Variants in UBE3D observed in about 807,000 individuals in gnomAD.
UBE3D encodes ubiquitin protein ligase E3D, also known as E3 ubiquitin-protein ligase E3D.
UBE3D carries 48 observed loss-of-function variants against 49.6 expected under a neutral mutation model. That is an observed-to-expected ratio of 0.97 (90% CI 0.77 to 1.23). UBE3D has a LOEUF of 1.23. Ranked by LOEUF, UBE3D falls within the 50% of genes most tolerant of loss-of-function variation. The pLI is 0.00. For missense variants in UBE3D, 452 were observed against 468.4 expected, an observed-to-expected ratio of 0.96 and a Z score of 0.32; for synonymous variants, 189 against 174.2, an observed-to-expected ratio of 1.08 and a Z score of -0.67.
intron 8 of UBE3D, among the ~76,000 whole-genome samples, chr6:82,966,100 A>G (rs1776899319): frequency 6.6e-6 from 1 of 152,188 alleles, no homozygotes; most frequent in African/African-American, 2.4e-5. Context: ...AGTTTGGACT[A>G]AATAAGATCC....
chr6:82,961,526 G>C (rs868368326), intron 8 of UBE3D, among the ~76,000 whole-genome samples: 4 of 152,176 alleles, frequency 2.6e-5, no homozygotes, highest in South Asian at 2.1e-4. Flanking sequence ...CCAGGATTCA[G>C]TCAGGTCAGC....
chr6:82,996,355 T>A (rs923910742), intron 8 of UBE3D, among the ~76,000 whole-genome samples: 20 of 130,150 alleles, frequency 1.5e-4, no homozygotes, highest in African/African-American at 5.5e-4. Context: ...AATAAATAAA[T>A]AAAATCATAG....
At chr6:82,883,604 C>T in the UBE3D span, among the ~76,000 whole-genome samples, 1 of 151,962 alleles carries the variant, frequency 6.6e-6, no homozygotes, top group Non-Finnish European at 1.5e-5. Flanking sequence ...AGTTGGAAGC[C>T]CCACCTGAAA....
chr6:82,937,169 C>T (rs531226683), intron 9 of UBE3D, among the ~76,000 whole-genome samples: 220 of 152,210 alleles, frequency 1.4e-3, no homozygotes, highest in Non-Finnish European at 2.8e-3. Context: ...CTCTTCTATT[C>T]TAAATATTCT....
chr6:83,013,407 A>C (rs1780482116), intron 8 of UBE3D, among the ~76,000 whole-genome samples: 1 of 152,152 alleles, frequency 6.6e-6, no homozygotes, highest in South Asian at 2.1e-4. Flanking sequence ...CAGCATCCCT[A>C]ACTGCCAATG....
chr6:82,914,054 C>T (rs1372043217), intron 9 of UBE3D, among the ~76,000 whole-genome samples: 1 of 152,214 alleles, frequency 6.6e-6, no homozygotes, highest in Non-Finnish European at 1.5e-5. Context: ...TCTTACATGA[C>T]TTGCTGAAGG....
intron 1 of UBE3D, 76 bp downstream of exon 1, chr6:83,065,566 G>C (rs1784437293): frequency 7.2e-7 from 1 of 1,392,648 alleles, no homozygotes; most frequent in Non-Finnish European, 1.0e-6. Flanking sequence ...CTCGTACAGA[G>C]AGAGACTCAC....
Position 82,935,654 on chromosome 6 carries a change from T to C in UBE3D, c.1149+21658A>G, listed in dbSNP as rs73477736. Among the ~76,000 whole-genome samples the C allele has an allele frequency of 8.2e-3, 1,250 of 152,164 alleles. 22 individuals carry two copies. The highest frequency in any genetic ancestry group is 0.028 in the African/African-American group (1,182 of 41,474). ...GTATATCAAGCATGAAGATAAAATC[T>C]TACAGGCCAGCAGGAAAAAGAAAGG... On this transcript the variant is annotated intron_variant, in intron 9 of 9. Coordinates refer to ENST00000369747, the MANE Select transcript of UBE3D (RefSeq NM_198920.3).
chr6:82,985,134 G>A (rs1045933418), intron 8 of UBE3D, among the ~76,000 whole-genome samples: 4 of 147,784 alleles, frequency 2.7e-5, no homozygotes, highest in African/African-American at 7.4e-5. Context: ...TACAAGTGTG[G>A]GCCACACATG....
chr6:83,028,463 T>C (rs1164623039), intron 5 of UBE3D, among the ~76,000 whole-genome samples: 3 of 152,212 alleles, frequency 2.0e-5, no homozygotes, highest in Admixed American at 6.5e-5. Flanking sequence ...GATTGATCTC[T>C]GTCTACAATT....
chr6:82,947,072 A>C (rs1285528409), intron 9 of UBE3D, among the ~76,000 whole-genome samples: 1 of 151,982 alleles, frequency 6.6e-6, no homozygotes, highest in Non-Finnish European at 1.5e-5. Flanking sequence ...AACAACACTG[A>C]ATATAAGTAA....
intron 2 of UBE3D, among the ~76,000 whole-genome samples, chr6:83,054,973 A>G (rs1463057424): frequency 6.6e-6 from 1 of 152,174 alleles, no homozygotes; most frequent in Non-Finnish European, 1.5e-5. Context: ...TTTTATTTAA[A>G]TAAGGTTTAT....
At chr6:83,028,429 T>C (rs1781635801) in intron 5 of UBE3D, among the ~76,000 whole-genome samples, 2 of 152,186 alleles carry the variant, frequency 1.3e-5, no homozygotes, top group South Asian at 4.1e-4. Context: ...AGTTCAAGAC[T>C]TGAAATTCCC....
intron 9 of UBE3D, among the ~76,000 whole-genome samples, chr6:82,943,202 G>C (rs1775144219): frequency 6.6e-6 from 1 of 152,128 alleles, no homozygotes; most frequent in Non-Finnish European, 1.5e-5. Flanking sequence ...CTGTGGAATG[G>C]GTGTATTTAC....
At chr6:83,063,739 T>C (rs1205813629) in intron 1 of UBE3D, among the ~76,000 whole-genome samples, 2 of 152,186 alleles carry the variant, frequency 1.3e-5, no homozygotes, top group Non-Finnish European at 1.5e-5. Context: ...ATACTAAATG[T>C]AAGTCAAAAT....
At chr6:82,886,318 T>C in the UBE3D span, among the ~76,000 whole-genome samples, 1 of 152,136 alleles carries the variant, frequency 6.6e-6, no homozygotes, top group Admixed American at 6.5e-5. Context: ...TAGGTTCTTA[T>C]AAGGAGCACG....
At chr6:83,049,448 T>C (rs1783311353) in intron 3 of UBE3D, among the ~76,000 whole-genome samples, 2 of 152,362 alleles carry the variant, frequency 1.3e-5, no homozygotes, top group South Asian at 2.1e-4. Flanking sequence ...CATAAAAGTA[T>C]AATTTTATTC....
chr6:83,048,531 G>C (rs1783237055), intron 3 of UBE3D, among the ~76,000 whole-genome samples: 2 of 152,088 alleles, frequency 1.3e-5, no homozygotes, highest in African/African-American at 4.8e-5. Flanking sequence ...CATGATCAGG[G>C]AAATAAAATT....
intron 9 of UBE3D, among the ~76,000 whole-genome samples, chr6:82,901,888 G>C (rs1433292303): frequency 6.6e-6 from 1 of 152,174 alleles, no homozygotes; most frequent in Non-Finnish European, 1.5e-5. Context: ...AGAGACTGAA[G>C]GGGCTAATAT....
Sources: allele counts gnomAD v4.1 joint callset (sites outside exome capture counted in the v4.1 genomes callset), GRCh38; gene constraint gnomAD v4.1.1; transcripts MANE v1.5; gene names NCBI Gene and HGNC (gene_info 2026-07-23, HGNC 2026-07-21).